B3GNT4: variants seen among roughly 807,000 people sequenced by gnomAD.
B3GNT4 encodes the protein UDP-GlcNAc:betaGal beta-1,3-N-acetylglucosaminyltransferase 4, also known as N-acetyllactosaminide beta-1,3-N-acetylglucosaminyltransferase 4.
A neutral mutation model predicts 2.7 loss-of-function variants in B3GNT4; 2 were observed. The ratio of observed to expected loss-of-function variants is 0.73; its 90% CI spans 0.30 to 2.31. B3GNT4 has a LOEUF of 2.31. B3GNT4 is among the 30% of genes most tolerant of loss of function. The pLI, the probability that B3GNT4 is intolerant of heterozygous loss-of-function variation, is 0.12. For synonymous variants in B3GNT4, 280 were observed against 203.4 expected (o/e 1.38, Z -3.20); for missense variants, 708 against 490.9 (o/e 1.44, Z -4.18).
In B3GNT4 at chr12:122,206,488, C is replaced by G. The variant is rs981714403; in HGVS notation, c.237C>G (p.Asn79Lys). 3.1e-6 allele frequency: 5 copies of G among 1,614,084 alleles called. No homozygotes were observed. Among genetic ancestry groups the G allele is most frequent in the Admixed American group, 3.3e-5 (2 of 60,008 alleles). Residue 79 changes from asparagine to lysine, a missense_variant, in exon 3 of 3, where the codon AAC becomes AAG. Physicochemically the swap from Asn to Lys is moderately conservative, Grantham distance 94. Coordinates refer to ENST00000324189, the MANE Select transcript of B3GNT4 (RefSeq NM_030765.4). ...CCCGTCACAGCCGGTGTCCACCCAA[C>G]CACACAGTGTCTAGCGCCTCTCTGT... is the stretch of plus-strand genomic sequence containing the variant. ...PTPRHSRCPPNHTVSSASLSL... is the reference protein window; with the variant it reads ...PTPRHSRCPPKHTVSSASLSL...
Position 122,204,573 on chromosome 12 carries a change from C to T in B3GNT4, c.-46C>T, listed in dbSNP as rs767846047. On this transcript the variant is annotated 5_prime_UTR_variant, in exon 2 of 3. Coordinates refer to ENST00000324189, the MANE Select transcript of B3GNT4 (RefSeq NM_030765.4). Reference sequence around the variant, plus strand: ...CATCTCGCTTCGACCCCGCCGCCGCCGCCGCCCGGCATCCTGAGCACGGAG... The same window carrying T: ...CATCTCGCTTCGACCCCGCCGCCGCTGCCGCCCGGCATCCTGAGCACGGAG... 2.6e-6 allele frequency: 4 copies of T among 1,552,960 alleles called. No homozygotes were observed. Among genetic ancestry groups the T allele is most frequent in the East Asian group, 2.3e-5 (1 of 44,134 alleles).
Position 122,207,861 on chromosome 12 carries a change from T to TG in B3GNT4, c.*473_*474insG. The TG allele has an allele frequency of 2.2e-6, 1 of 460,480 alleles. No homozygotes were observed. Among genetic ancestry groups the TG allele is most frequent in the Non-Finnish European group, 4.3e-6 (1 of 231,274 alleles). The allele number at this position is 460,480 out of a possible 1,614,324, so 28.5% of individuals were successfully genotyped here. ...TTAGTAGTAATAGGTTTTTCACTCC[T>TG]TGGCCTCAGCTGTCCTCACAGGACA... is the stretch of plus-strand genomic sequence containing the variant. On this transcript the variant is annotated 3_prime_UTR_variant, in exon 3 of 3. Coordinates refer to ENST00000324189, the MANE Select transcript of B3GNT4 (RefSeq NM_030765.4).
rs138993573 is a variant in B3GNT4 at position 122,207,202 on chromosome 12, G to A, written c.951G>A (p.Leu317=). The A allele has an allele frequency of 6.2e-7, 1 of 1,614,090 alleles. No homozygotes were observed. The highest frequency in any genetic ancestry group is 2.2e-5 in the East Asian group (1 of 44,884). ...FVGMCLRRLG[L]SPMHHAGFKT... ...GTATGTGCCTGAGGCGGCTGGGGCT[G>A]AGCCCTATGCACCATGCTGGCTTCA... The change falls in exon 3 of 3, where the codon CTG becomes CTA. Residue 317 remains leucine, a synonymous_variant. Coordinates refer to ENST00000324189, the MANE Select transcript of B3GNT4 (RefSeq NM_030765.4).
At position 122,207,871 on chromosome 12, in the gene B3GNT4, C is replaced by G; in HGVS notation, c.*483C>G. On this transcript the variant is annotated 3_prime_UTR_variant, in exon 3 of 3. Coordinates refer to ENST00000324189, the MANE Select transcript of B3GNT4 (RefSeq NM_030765.4). ...TAGGTTTTTCACTCCTTGGCCTCAG[C>G]TGTCCTCACAGGACAGTGGGGGCAG... The G allele has an allele frequency of 2.2e-6, 1 of 460,584 alleles. No homozygotes were observed. Among genetic ancestry groups the G allele is most frequent in the Non-Finnish European group, 4.3e-6 (1 of 231,330 alleles). The allele number at this position is 460,584 out of a possible 1,614,324, so 28.5% of individuals were successfully genotyped here. A position where few individuals can be genotyped will look rare whatever the true frequency, so the allele number is the denominator to read the frequency against.
Position 122,207,362 on chromosome 12 carries a change from GC to G in B3GNT4, c.1112del (p.Ala371GlufsTer27), listed in dbSNP as rs1195936629. On this transcript the variant is annotated frameshift_variant, in exon 3 of 3. Transcript: ENST00000324189. LOFTEE classifies it low-confidence loss of function (END_TRUNC). Reference sequence around the variant, plus strand: ...GGTGACAGATGAGGGGCTCAAGTGTGCAGCTGGCCCCATACCCCAGCGCTGA... The same window carrying G: ...GGTGACAGATGAGGGGCTCAAGTGTGAGCTGGCCCCATACCCCAGCGCTGA... ...ALVTDEGLKC[A>X]AGPIPQR 3.8e-6 allele frequency: 6 copies of G among 1,584,180 alleles called. No individual in the cohort carries two copies. In the South Asian group the frequency reaches 6.9e-5, roughly 18 times the overall value.
intron 2 of B3GNT4, chr12:122,205,996 A>G (rs1953908516): frequency 5.8e-6 from 2 of 347,676 alleles, no homozygotes; most frequent in Non-Finnish European, 1.0e-5. Flanking sequence ...TGTGCCTAAA[A>G]CTCATCAGGT....
rs185708262 is a variant in B3GNT4 at position 122,207,750 on chromosome 12, A to G, written c.*362A>G. 2.0e-4 allele frequency: 98 copies of G among 486,276 alleles called. No individual in the cohort carries two copies. The highest frequency in any genetic ancestry group is 1.5e-3 in the African/African-American group (76 of 51,384). The allele number at this position is 486,276 out of a possible 1,614,324, so 30.1% of individuals were successfully genotyped here. A position where few individuals can be genotyped will look rare whatever the true frequency, so the allele number is the denominator to read the frequency against. On this transcript the variant is annotated 3_prime_UTR_variant, in exon 3 of 3. Coordinates refer to ENST00000324189, the MANE Select transcript of B3GNT4 (RefSeq NM_030765.4). ...TTGGATACAATAGAGAAACGGAAAGAAAGGAAGGAACAAGAGGCCTGTGTT... is the reference window on the plus strand; with the variant it reads ...TTGGATACAATAGAGAAACGGAAAGGAAGGAAGGAACAAGAGGCCTGTGTT...
rs375537524 is a variant in B3GNT4, at chr12:122,208,497, G to A, written c.*1109G>A. On this transcript the variant is annotated 3_prime_UTR_variant, in exon 3 of 3. Transcript: ENST00000324189. ...TCTGCCAGCTTGGTTTCTGCTTTCC[G>A]GGAGAGCTGGTGCACCTCTTCCACC... 1.4e-5 allele frequency: 23 copies of A among 1,613,950 alleles called. No individual in the cohort carries two copies. The highest frequency in any genetic ancestry group is 1.6e-4 in the Middle Eastern group (1 of 6,082).
chr12:122,206,286 T>C (rs771320284), intron 2 of B3GNT4, 32 bp from the exon 3 acceptor site: 2 of 1,505,552 alleles, frequency 1.3e-6, no homozygotes, highest in Non-Finnish European at 1.8e-6. Flanking sequence ...GACCCGGGGC[T>C]GGGCCCTGCT....
At chr12:122,204,810 C>A in intron 2 of B3GNT4, 126 bp downstream of exon 2, 2 of 773,032 alleles carry the variant, frequency 2.6e-6, no homozygotes, top group Non-Finnish European at 4.2e-6. Flanking sequence ...GAGGCCAAGG[C>A]GGGAGGATCG....
In B3GNT4 at chr12:122,207,647, A is replaced by G. The variant is rs1474941175; in HGVS notation, c.*259A>G. On this transcript the variant is annotated 3_prime_UTR_variant, in exon 3 of 3. Transcript: ENST00000324189. ...TGGGGCGCTGCAGTCTGGGACCTCA[A>G]GGAAGGAGGCTGCATAGGACCCCAG... 1.6e-6 allele frequency: 1 copy of G among 639,248 alleles called. No individual in the cohort carries two copies. The highest frequency in any genetic ancestry group is 1.8e-5 in the African/African-American group (1 of 55,476). The allele number at this position is 639,248 out of a possible 1,614,324, so 39.6% of individuals were successfully genotyped here. A position where few individuals can be genotyped will look rare whatever the true frequency, so the allele number is the denominator to read the frequency against.
rs772119867 is a variant in B3GNT4 at position 122,207,139 on chromosome 12, A to T, written c.888A>T (p.Glu296Asp). 1.2e-6 allele frequency: 2 copies of T among 1,614,092 alleles called. No homozygotes were observed. The highest frequency in any genetic ancestry group is 1.7e-6 in the Non-Finnish European group (2 of 1,180,012). ...ATVRRLQAIM[E>D]DAELFPIDDV... is the part of the protein sequence containing the mutation. ...TGCGGCGCCTCCAGGCTATCATGGA[A>T]GATGCTGAACTCTTCCCCATTGATG... Residue 296 changes from glutamate (E) to aspartate (D), a missense_variant, in exon 3 of 3, where the codon GAA becomes GAT. Transcript: ENST00000324189.
chr12:122,207,359 T>C lies in B3GNT4; in HGVS notation c.1108T>C (p.Cys370Arg), dbSNP rs1322126262. 4 of 1,587,848 alleles carry C rather than the reference T, an allele frequency of 2.5e-6. No homozygotes were observed. Among genetic ancestry groups the C allele is most frequent in the Non-Finnish European group, 2.6e-6 (3 of 1,165,440 alleles). ...WALVTDEGLK[C>R]AAGPIPQR is the part of the protein sequence containing the mutation. ...ACTGGTGACAGATGAGGGGCTCAAG[T>C]GTGCAGCTGGCCCCATACCCCAGCG... Residue 370 changes from cysteine (C) to arginine (R), a missense_variant, in exon 3 of 3, where the codon TGT becomes CGT. Physicochemically the swap from Cys to Arg is radical, Grantham distance 180. Transcript: ENST00000324189.
At position 122,207,355 on chromosome 12, in the gene B3GNT4, C is replaced by G. The variant is rs757298254; in HGVS notation, c.1104C>G (p.Leu368=). Residue 368 remains leucine (L), a synonymous_variant, in exon 3 of 3, where the codon CTC becomes CTG. Coordinates refer to ENST00000324189, the MANE Select transcript of B3GNT4 (RefSeq NM_030765.4). Reference sequence around the variant, plus strand: ...GGGCACTGGTGACAGATGAGGGGCTCAAGTGTGCAGCTGGCCCCATACCCC... The same window carrying G: ...GGGCACTGGTGACAGATGAGGGGCTGAAGTGTGCAGCTGGCCCCATACCCC... ...TMWALVTDEG[L]KCAAGPIPQR 14 of 1,592,504 alleles carry G rather than the reference C, an allele frequency of 8.8e-6. No homozygotes were observed. The East Asian group carries it at 1.6e-4, about 18-fold the overall frequency.
Position 122,207,255 on chromosome 12 carries a change from A to C in B3GNT4, c.1004A>C (p.Asp335Ala), listed in dbSNP as rs1593162126. Residue 335 changes from aspartate (D) to alanine (A), a missense_variant, in exon 3 of 3, where the codon GAC becomes GCC. Coordinates refer to ENST00000324189, the MANE Select transcript of B3GNT4 (RefSeq NM_030765.4). ...ACATTTGGAATCCGGCGGCCCCTGG[A>C]CCCCTTAGACCCCTGCCTGTATAGG... is the stretch of plus-strand genomic sequence containing the variant. Reference protein sequence around the residue: ...FKTFGIRRPLDPLDPCLYRGL... With the variant: ...FKTFGIRRPLAPLDPCLYRGL... 6.2e-7 allele frequency: 1 copy of C among 1,613,796 alleles called. No homozygotes were observed. Among genetic ancestry groups the C allele is most frequent in the Non-Finnish European group, 8.5e-7 (1 of 1,179,946 alleles).
Position 122,207,159 on chromosome 12 carries a change from TTGA to T in B3GNT4, c.914_916del (p.Asp305del), listed in dbSNP as rs772851416. On this transcript the variant is annotated inframe_deletion, in exon 3 of 3. Transcript: ENST00000324189. The stretch of plus-strand genomic sequence containing the variant: ...ATGGAAGATGCTGAACTCTTCCCCA[TTGA>T]TGATGTCTTTGTGGGTATGTGCCTG... 121 of 1,614,068 alleles carry T rather than the reference TTGA, an allele frequency of 7.5e-5. No homozygotes were observed. The highest frequency in any genetic ancestry group is 2.1e-4 in the South Asian group (19 of 91,032).
intron 2 of B3GNT4, 74 bp from the exon 3 acceptor site, chr12:122,206,244 A>G: frequency 8.1e-7 from 1 of 1,238,642 alleles, no homozygotes; most frequent in South Asian, 1.5e-5. Context: ...GCTGGGGTGC[A>G]GGTTAACTCC....
At chr12:122,205,694 C>T (rs1422417606) in intron 2 of B3GNT4, 1 of 152,456 alleles carries the variant, frequency 6.6e-6, no homozygotes, top group East Asian at 1.9e-4. Flanking sequence ...GATACAAGTC[C>T]CCAGCTTTCC....
chr12:122,205,298 C>A, intron 2 of B3GNT4: 1 of 152,950 alleles, frequency 6.5e-6, no homozygotes, highest in Non-Finnish European at 1.5e-5. Flanking sequence ...CTGCATTAGA[C>A]TGTAACTTCT....
Sources: gnomAD v4.1 joint callset for allele counts on GRCh38, gnomAD v4.1.1 for gene constraint, MANE v1.5 for transcripts, NCBI Gene and HGNC (gene_info 2026-07-23, HGNC 2026-07-21) for gene names.